The following EIF3M variants were observed in gnomAD, a reference collection of about 807,000 sequenced individuals.
The protein encoded by EIF3M is B5 receptor.
In EIF3M, 25 loss-of-function variants were observed where a neutral mutation model predicts 49.7. The observed-to-expected ratio is 0.50, with a 90% CI of 0.37 to 0.70. The LOEUF (loss-of-function observed/expected upper bound fraction) is 0.70. Among genes scored for constraint, EIF3M ranks in the 30% least tolerant of loss-of-function variants. The pLI, the probability that EIF3M is intolerant of heterozygous loss-of-function variation, is 0.00. For missense variants in EIF3M, 350 were observed against 440.0 expected (o/e 0.80, Z 1.83); for synonymous variants, 156 against 149.8 (o/e 1.04, Z -0.30).
intron 8 of EIF3M, among the ~76,000 whole-genome samples, chr11:32,597,504 ATTATTT>A (rs1427897134): frequency 6.6e-6 from 1 of 152,220 alleles, no homozygotes; most frequent in African/African-American, 2.4e-5. Context: ...CATAGTCTTT[ATTATTT>A]TTATCTTTGA....
In EIF3M at chr11:32,589,110, A is replaced by G; in HGVS notation, c.413A>G (p.Gln138Arg). The G allele has an allele frequency of 6.2e-7, 1 of 1,614,228 alleles. No homozygotes were observed. The highest frequency in any genetic ancestry group is 1.1e-5 in the South Asian group (1 of 91,090). Residue 138 changes from glutamine (Q) to arginine (R), a missense_variant, in exon 4 of 11, where the codon CAG becomes CGG. Physicochemically the swap from Gln to Arg is conservative, Grantham distance 43. Coordinates refer to ENST00000531120, the MANE Select transcript of EIF3M (RefSeq NM_006360.6). ...GTGGCAGCATCTTGTGGGGCCATCC[A>G]GTACATCCCAACTGAGCTGGATCAA... ...IKVAASCGAI[Q>R]YIPTELDQVR...
chr11:32,592,475 T>A, intron 5 of EIF3M: 1 of 526,464 alleles, frequency 1.9e-6, no homozygotes, highest in Non-Finnish European at 3.7e-6. Context: ...CACTGTTGGA[T>A]GGGCACTGGG....
Position 32,596,041 on chromosome 11 carries a change from T to C in EIF3M, c.793T>C (p.Ser265Pro), listed in dbSNP as rs1447200284. ...TCAGAATAATAAAGACTTCATTGAT[T>C]CACTTGGTAAGTTTTGGGGTTTATT... ...FYQNNKDFID[S>P]LGLLHEQNMA... The change falls in exon 8 of 11, where the codon TCA (serine) becomes CCA (proline). Residue 265 changes from serine (S) to proline (P), a missense_variant. Transcript: ENST00000531120. The C allele has an allele frequency of 6.4e-7, 1 of 1,552,688 alleles. No individual in the cohort carries two copies. Among genetic ancestry groups the C allele is most frequent in the Admixed American group, 2.3e-5 (1 of 43,358 alleles).
In EIF3M at chr11:32,603,345, G is replaced by C. The variant is rs1215149519; in HGVS notation, c.*946G>C. 1.8e-5 allele frequency: 4 copies of C among 220,424 alleles called. No homozygotes were observed. The highest frequency in any genetic ancestry group is 2.7e-5 in the Non-Finnish European group (3 of 112,798). 13.7% of individuals were successfully genotyped at this position (220,424 alleles called of 1,614,324 possible). On this transcript the variant is annotated 3_prime_UTR_variant, in exon 11 of 11. Coordinates refer to ENST00000531120, the MANE Select transcript of EIF3M (RefSeq NM_006360.6). ...TATTTGGAAGTTGGCATGTTTTCAAGACACTGTATTGGGTAATTTTAAAAA... is the reference window on the plus strand; with the variant it reads ...TATTTGGAAGTTGGCATGTTTTCAACACACTGTATTGGGTAATTTTAAAAA...
At chr11:32,597,516 T>C (rs910410098) in intron 8 of EIF3M, among the ~76,000 whole-genome samples, 1 of 152,388 alleles carries the variant, frequency 6.6e-6, no homozygotes, top group East Asian at 1.9e-4. Flanking sequence ...TATTTTTATC[T>C]TTGAATTTTC....
rs746019297 is a variant in EIF3M at position 32,594,169 on chromosome 11, C to CG, written c.617+228dup. The stretch of plus-strand genomic sequence containing the variant: ...AAGTAGCTGCATGGCGTTTACCTGG[C>CG]GGGGGGGGTATTGCTGGTATGGGGA... On this transcript the variant is annotated intron_variant, in intron 6 of 10. Coordinates refer to ENST00000531120, the MANE Select transcript of EIF3M (RefSeq NM_006360.6). The CG allele has an allele frequency of 1.8e-3, 620 of 338,322 alleles. 4 individuals are homozygous for CG. Among genetic ancestry groups the CG allele is most frequent in the Admixed American group, 0.015 (310 of 20,600 alleles). The allele number at this position is 338,322 out of a possible 1,614,324, so 21.0% of individuals were successfully genotyped here.
rs146589935 is a variant in EIF3M at position 32,596,218 on chromosome 11, T to G, written c.799+171T>G. The stretch of plus-strand genomic sequence containing the variant: ...ATAGGTAGACAGTTTAAAATATTAC[T>G]TAGAATGAATTGAGAATCAGAAACC... On this transcript the variant is annotated intron_variant, in intron 8 of 10. Coordinates refer to ENST00000531120, the MANE Select transcript of EIF3M (RefSeq NM_006360.6). Among the ~76,000 whole-genome samples the G allele has an allele frequency of 7.2e-3, 1,094 of 152,238 alleles. 12 individuals carry two copies. The highest frequency in any genetic ancestry group is 0.025 in the African/African-American group (1,025 of 41,538).
Position 32,601,501 on chromosome 11 carries a change from TAA to T in EIF3M, c.944-240_944-239del, listed in dbSNP as rs60498109. On this transcript the variant is annotated intron_variant, in intron 9 of 10. Transcript: ENST00000531120. Reference sequence around the variant, plus strand: ...TAGGGGAAGAACACCTAGCATTCTTTAAAAAAAAAAAAAAAAAAAAAACAGCA... The same window carrying T: ...TAGGGGAAGAACACCTAGCATTCTTTAAAAAAAAAAAAAAAAAAAACAGCA... 7.6e-3 allele frequency: 1,658 copies of T among 216,960 alleles called. 19 individuals carry two copies. The highest frequency in any genetic ancestry group is 0.025 in the African/African-American group (1,051 of 41,690). 13.4% of individuals were successfully genotyped at this position (216,960 alleles called of 1,614,324 possible).
chr11:32,601,421 C>G lies in EIF3M; in HGVS notation c.944-341C>G, dbSNP rs11031893. ...TTTTTCCCCTAATGCTCTAAGTTTTCTATGAAGAAGTAATAACTTAGTAGG... is the reference window on the plus strand; with the variant it reads ...TTTTTCCCCTAATGCTCTAAGTTTTGTATGAAGAAGTAATAACTTAGTAGG... On this transcript the variant is annotated intron_variant, in intron 9 of 10. Transcript: ENST00000531120. 6.2e-3 allele frequency: 1,094 copies of G among 175,628 alleles called. 17 individuals carry two copies. The highest frequency in any genetic ancestry group is 0.025 in the African/African-American group (1,052 of 41,420). 10.9% of individuals were successfully genotyped at this position (175,628 alleles called of 1,614,324 possible).
At chr11:32,601,687 TCA>T (rs1855268011) in intron 9 of EIF3M, 73 bp from the exon 10 acceptor site, 7 of 1,369,884 alleles carry the variant, frequency 5.1e-6, no homozygotes, top group Non-Finnish European at 7.1e-6. Flanking sequence ...GCTTACTTGG[TCA>T]CAGTTTTCAT....
At position 32,602,987 on chromosome 11, in the gene EIF3M, G is replaced by A. The variant is rs1450994878; in HGVS notation, c.*588G>A. 1 of 1,611,330 alleles carries A rather than the reference G, an allele frequency of 6.2e-7. No individual in the cohort carries two copies. Among genetic ancestry groups the A allele is most frequent in the East Asian group, 2.2e-5 (1 of 44,820 alleles). ...GTCTTGATTGCCTGCAAATGGCTTT[G>A]TAGTGGAGTTGATATCAGAGGCTTT... On this transcript the variant is annotated 3_prime_UTR_variant, in exon 11 of 11. Transcript: ENST00000531120.
Position 32,600,770 on chromosome 11 carries a change from T to C in EIF3M, c.881T>C (p.Phe294Ser), listed in dbSNP as rs758185130. 3.1e-5 allele frequency: 50 copies of C among 1,611,904 alleles called. No homozygotes were observed. Among genetic ancestry groups the C allele is most frequent in the Non-Finnish European group, 4.2e-5 (50 of 1,178,514 alleles). Residue 294 changes from phenylalanine to serine, a missense_variant, in exon 9 of 11, where the codon TTT becomes TCT. Coordinates refer to ENST00000531120, the MANE Select transcript of EIF3M (RefSeq NM_006360.6). ...GCAGTAGAAAATAAGGAAATTTCTT[T>C]TGACACAATGCAGCAAGAACTTCAG... ...GMAVENKEIS[F>S]DTMQQELQIG...
Position 32,583,877 on chromosome 11 carries a change from G to C in EIF3M, c.-11G>C, listed in dbSNP as rs1486630250. 2 of 1,612,962 alleles carry C rather than the reference G, an allele frequency of 1.2e-6. No individual in the cohort carries two copies. Among genetic ancestry groups the C allele is most frequent in the East Asian group, 4.5e-5 (2 of 44,852 alleles). ...TGCGAGTGGAGTGTCCGCTGTGCCC[G>C]GGCCTGCACCATGAGCGTCCCGGCC... On this transcript the variant is annotated 5_prime_UTR_variant, in exon 1 of 11. Transcript: ENST00000531120.
intron 5 of EIF3M, among the ~76,000 whole-genome samples, chr11:32,592,984 G>T (rs1285835246): frequency 6.6e-6 from 1 of 152,188 alleles, no homozygotes; most frequent in African/African-American, 2.4e-5. Context: ...TTAAGATGCG[G>T]GTTACCACTT....
chr11:32,583,885 A>C lies in EIF3M; in HGVS notation c.-3A>C. ...GAGTGTCCGCTGTGCCCGGGCCTGC[A>C]CCATGAGCGTCCCGGCCTTCATCGA... On this transcript the variant is annotated 5_prime_UTR_variant, in exon 1 of 11. Coordinates refer to ENST00000531120, the MANE Select transcript of EIF3M (RefSeq NM_006360.6). 2 of 1,613,714 alleles carry C rather than the reference A, an allele frequency of 1.2e-6. No individual in the cohort carries two copies. Among genetic ancestry groups the C allele is most frequent in the South Asian group, 1.1e-5 (1 of 90,998 alleles).
In EIF3M at chr11:32,602,474, T is replaced by C; in HGVS notation, c.*75T>C. Reference sequence around the variant, plus strand: ...AGTAAAACATTATAAACTAAAAAAATTTGCCTAGTCTGGACAGTTATTGTC... The same window carrying C: ...AGTAAAACATTATAAACTAAAAAAACTTGCCTAGTCTGGACAGTTATTGTC... On this transcript the variant is annotated 3_prime_UTR_variant, in exon 11 of 11. Coordinates refer to ENST00000531120, the MANE Select transcript of EIF3M (RefSeq NM_006360.6). 1 of 1,526,408 alleles carries C rather than the reference T, an allele frequency of 6.6e-7. No individual in the cohort carries two copies. Among genetic ancestry groups the C allele is most frequent in the East Asian group, 2.3e-5 (1 of 43,314 alleles). The allele number at this position is 1,526,408 out of a possible 1,614,324, so 94.6% of individuals were successfully genotyped here. A position where few individuals can be genotyped will look rare whatever the true frequency, so the allele number is the denominator to read the frequency against.
chr11:32,599,069 G>T, intron 8 of EIF3M, among the ~76,000 whole-genome samples: 1 of 151,980 alleles, frequency 6.6e-6, no homozygotes, highest in Non-Finnish European at 1.5e-5. Flanking sequence ...TATTACAGCT[G>T]AAAGCCTAGT....
chr11:32,588,564 C>T, intron 2 of EIF3M, 30 bp from the exon 3 acceptor site: 4 of 1,607,102 alleles, frequency 2.5e-6, no homozygotes, highest in African/African-American at 1.4e-5. Flanking sequence ...TGTAGTATCA[C>T]TGTTGATTGT....
chr11:32,597,473 A>T (rs1855198276), intron 8 of EIF3M, among the ~76,000 whole-genome samples: 1 of 152,228 alleles, frequency 6.6e-6, no homozygotes, highest in African/African-American at 2.4e-5. Context: ...AGACTTTTCT[A>T]ACTACGTTTG....
Sources: gnomAD v4.1 joint callset for allele counts (sites outside exome capture counted in the v4.1 genomes callset) on GRCh38, gnomAD v4.1.1 for gene constraint, MANE v1.5 for transcripts, NCBI Gene and HGNC (gene_info 2026-07-23, HGNC 2026-07-21) for gene names.